The following SGCZ variants were observed in gnomAD, a reference collection of about 807,000 sequenced individuals.
SGCZ encodes the protein sarcoglycan zeta.
SGCZ carries 40 observed loss-of-function variants against 41.3 expected under a neutral mutation model. That is an observed-to-expected ratio of 0.97 (90% CI 0.75 to 1.26). SGCZ has a LOEUF of 1.26. Ranked by LOEUF, SGCZ falls within the 50% of genes most tolerant of loss-of-function variation. SGCZ has a pLI of 0.00. For missense variants in SGCZ, 552 were observed against 369.8 expected (o/e 1.49, Z -4.04); for synonymous variants, 206 against 137.5 (o/e 1.50, Z -3.49).
chr8:14,913,018 CA>C (rs1234678422), intron 1 of SGCZ, among the ~76,000 whole-genome samples: 1 of 151,908 alleles, frequency 6.6e-6, no homozygotes, highest in Admixed American at 6.6e-5. Flanking sequence ...ATAAAAATAT[CA>C]TGACAACTTT....
At chr8:14,251,971 A>T (rs1799303509) in intron 3 of SGCZ, among the ~76,000 whole-genome samples, 1 of 152,010 alleles carries the variant, frequency 6.6e-6, no homozygotes, top group South Asian at 2.1e-4. Context: ...CGACCTCCCA[A>T]AGTGTTGGGA....
intron 1 of SGCZ, among the ~76,000 whole-genome samples, chr8:14,681,194 G>C (rs1379040315): frequency 6.6e-6 from 1 of 151,972 alleles, no homozygotes; most frequent in Non-Finnish European, 1.5e-5. Flanking sequence ...CACAATTTCT[G>C]AAAATCCATG....
chr8:14,379,239 A>T (rs1291275198), intron 2 of SGCZ, among the ~76,000 whole-genome samples: 1 of 152,196 alleles, frequency 6.6e-6, no homozygotes, highest in Admixed American at 6.5e-5. Flanking sequence ...ATCAATGAAA[A>T]TTTCTCACCA....
chr8:14,470,367 T>C (rs77993058), intron 2 of SGCZ, among the ~76,000 whole-genome samples: 6,216 of 152,166 alleles, frequency 0.041, 396 homozygotes, highest in African/African-American at 0.14. Flanking sequence ...TTAATACGTG[T>C]AGTAAGAATT....
At chr8:14,353,526 C>A (rs1423367494) in intron 2 of SGCZ, among the ~76,000 whole-genome samples, 2 of 152,090 alleles carry the variant, frequency 1.3e-5, no homozygotes, top group Non-Finnish European at 2.9e-5. Context: ...CCATTCCAAG[C>A]CTGTGTGAAT....
chr8:14,846,875 G>C (rs1175616679), intron 1 of SGCZ, among the ~76,000 whole-genome samples: 1 of 151,952 alleles, frequency 6.6e-6, no homozygotes, highest in South Asian at 2.1e-4. Context: ...TTTGAGACCA[G>C]CCTGGGCAAC....
At chr8:15,101,142 G>C (rs1256845085) in intron 1 of SGCZ, among the ~76,000 whole-genome samples, 1 of 152,092 alleles carries the variant, frequency 6.6e-6, no homozygotes, top group African/African-American at 2.4e-5. Flanking sequence ...AAGACTATGA[G>C]ACATCTAAAA....
intron 1 of SGCZ, among the ~76,000 whole-genome samples, chr8:15,002,606 A>G (rs1563426881): frequency 6.6e-6 from 1 of 152,154 alleles, no homozygotes; most frequent in African/African-American, 2.4e-5. Flanking sequence ...TCCAGAAGCA[A>G]AGGAAAAACC....
rs531063739 is a variant in SGCZ, at chr8:14,794,318, T to A, written c.40-239392A>T. Among the ~76,000 whole-genome samples, 22 of 152,164 alleles carry A rather than the reference T, an allele frequency of 1.4e-4. No homozygotes were observed. In the East Asian group the frequency reaches 4.1e-3, roughly 28 times the overall value. Reference sequence around the variant, plus strand: ...GGAAAAAGAACATTTCTTTAAAAATTCAGTCATGAATATCAAGAGAAAAAG... The same window carrying A: ...GGAAAAAGAACATTTCTTTAAAAATACAGTCATGAATATCAAGAGAAAAAG... On this transcript the variant is annotated intron_variant, in intron 1 of 7. Coordinates refer to ENST00000382080, the MANE Select transcript of SGCZ (RefSeq NM_139167.4).
In SGCZ at chr8:15,177,309, C is replaced by T. The variant is rs530380134; in HGVS notation, c.39+60276G>A. On this transcript the variant is annotated intron_variant, in intron 1 of 7. Transcript: ENST00000382080. ...AGACAGTAGGCAGTGGAACGTCCCA[C>T]CTACAGCAGCTGATGGATAACGAAA... Among the ~76,000 whole-genome samples the T allele has an allele frequency of 9.9e-5, 15 of 152,262 alleles. No homozygotes were observed. In the South Asian group the frequency reaches 2.9e-3, roughly 30 times the overall value.
In SGCZ at chr8:14,814,772, T is replaced by A. The variant is rs995077592; in HGVS notation, c.40-259846A>T. On this transcript the variant is annotated intron_variant, in intron 1 of 7. Transcript: ENST00000382080. ...CTTGCAGAAATCGGTTAAGACTATTTCTTTTTTCTTGAGCAAGGTATTATG... is the reference window on the plus strand; with the variant it reads ...CTTGCAGAAATCGGTTAAGACTATTACTTTTTTCTTGAGCAAGGTATTATG... Among the ~76,000 whole-genome samples, 5 of 152,168 alleles carry A rather than the reference T, an allele frequency of 3.3e-5. No individual in the cohort carries two copies. In the East Asian group the frequency reaches 9.6e-4, roughly 29 times the overall value.
chr8:14,355,200 G>A (rs1253021522), intron 2 of SGCZ, among the ~76,000 whole-genome samples: 1 of 151,976 alleles, frequency 6.6e-6, no homozygotes, highest in Non-Finnish European at 1.5e-5. Flanking sequence ...ACAAGCAGAT[G>A]TTTCATTATA....
intron 2 of SGCZ, among the ~76,000 whole-genome samples, chr8:14,398,748 C>T (rs1021452339): frequency 6.6e-6 from 1 of 152,056 alleles, no homozygotes; most frequent in African/African-American, 2.4e-5. Flanking sequence ...TGTTAAACTA[C>T]AGAGTCTGAG....
intron 3 of SGCZ, among the ~76,000 whole-genome samples, chr8:14,283,889 T>C (rs2116925215): frequency 6.6e-6 from 1 of 152,332 alleles, no homozygotes; most frequent in Non-Finnish European, 1.5e-5. Flanking sequence ...AAATTTCAAT[T>C]GACCTAAGAA....
At chr8:14,227,784 A>G (rs910564277) in intron 4 of SGCZ, among the ~76,000 whole-genome samples, 3 of 152,024 alleles carry the variant, frequency 2.0e-5, no homozygotes, top group Admixed American at 2.0e-4. Context: ...TTCTATTCCC[A>G]CTACGGTTTA....
intron 2 of SGCZ, among the ~76,000 whole-genome samples, chr8:14,437,037 C>T (rs1800113303): frequency 6.6e-6 from 1 of 152,102 alleles, no homozygotes; most frequent in Non-Finnish European, 1.5e-5. Context: ...GTTAGACTCC[C>T]AGAATTAAAA....
At chr8:15,089,606 C>T (rs1358524549) in intron 1 of SGCZ, among the ~76,000 whole-genome samples, 4 of 152,130 alleles carry the variant, frequency 2.6e-5, no homozygotes, top group Admixed American at 6.5e-5. Flanking sequence ...ACTCTAGCTC[C>T]AAGCCATTCA....
At chr8:14,830,668 A>G (rs1284102725) in intron 1 of SGCZ, among the ~76,000 whole-genome samples, 1 of 152,156 alleles carries the variant, frequency 6.6e-6, no homozygotes, top group Non-Finnish European at 1.5e-5. Flanking sequence ...TTCATATCAC[A>G]GTGACTTTAG....
chr8:14,992,204 AC>A (rs1014872053), intron 1 of SGCZ, among the ~76,000 whole-genome samples: 9 of 150,086 alleles, frequency 6.0e-5, no homozygotes, highest in African/African-American at 2.2e-4. Context: ...CTTGATATTT[AC>A]CTCTCATCCA....
Sources: gnomAD v4.1 joint callset for allele counts (sites outside exome capture counted in the v4.1 genomes callset) on GRCh38, gnomAD v4.1.1 for gene constraint, MANE v1.5 for transcripts, NCBI Gene and HGNC (gene_info 2026-07-23, HGNC 2026-07-21) for gene names.